The following TTLL11 variants were observed in gnomAD, a reference collection of about 807,000 sequenced individuals.
TTLL11 encodes the protein tubulin tyrosine ligase like 11, also known as tubulin polyglutamylase TTLL11.
In TTLL11, 42 loss-of-function variants were observed where a neutral mutation model predicts 51.7. That is an observed-to-expected ratio of 0.81 (90% confidence interval 0.64 to 1.05). The LOEUF (loss-of-function observed/expected upper bound fraction) is 1.05, where lower values mean the gene tolerates loss of function less well. Ranked by LOEUF, TTLL11 falls within the 50% of genes least tolerant of loss-of-function variation. The probability of loss-of-function intolerance (pLI) is 0.00; values close to 1 mark genes in which losing one functional copy is unlikely to be tolerated. For missense variants in TTLL11, 799 were observed against 940.4 expected (o/e 0.85, Z 1.97); for synonymous variants, 381 against 383.5 (o/e 0.99, Z 0.08).
rs532486164 is a variant in TTLL11, at chr9:121,871,991, G to C, written c.1482-1243C>G. 2.6e-5 allele frequency among the ~76,000 whole-genome samples: 4 copies of C among 152,196 alleles called. No individual in the cohort carries two copies. The South Asian group carries it at 8.3e-4, about 31-fold the overall frequency. On this transcript the variant is annotated intron_variant, in intron 6 of 8. Transcript: ENST00000321582. ...GTGTTCATTCCTGAGACAGAACCTC[G>C]AGCATGTTATACATGGTCAGTAAAT...
chr9:122,050,368 GA>G lies in TTLL11; in HGVS notation c.463-11001del, dbSNP rs1437266868. Reference sequence around the variant, plus strand: ...GACACTGCGGTGTGCGTGCACTTGGGAAACCTTCCATGATGCCTTCAGGCAG... The same window carrying G: ...GACACTGCGGTGTGCGTGCACTTGGGAACCTTCCATGATGCCTTCAGGCAG... On this transcript the variant is annotated intron_variant, in intron 1 of 8. Transcript: ENST00000321582. Among the ~76,000 whole-genome samples the G allele has an allele frequency of 4.6e-5, 7 of 152,278 alleles. No individual in the cohort carries two copies. In the East Asian group the frequency reaches 1.2e-3, roughly 25 times the overall value.
Position 121,816,599 on chromosome 9 carries a change from CAT to C in TTLL11, c.*5986_*5987del, listed in dbSNP as rs934290956. The C allele has an allele frequency of 1.3e-5, 2 of 148,856 alleles. No homozygotes were observed. Among genetic ancestry groups the C allele is most frequent in the Admixed American group, 1.3e-4 (2 of 14,988 alleles). 9.2% of individuals were successfully genotyped at this position (148,856 alleles called of 1,614,324 possible). On this transcript the variant is annotated 3_prime_UTR_variant, in exon 9 of 9. Transcript: ENST00000321582. The stretch of plus-strand genomic sequence containing the variant: ...GTGTGTGCATGTGTGTGCGTGTGTG[CAT>C]GTGTGCATTGTGTACGTGTGTGCAT...
chr9:121,864,928 T>C (rs1838134249), intron 7 of TTLL11, among the ~76,000 whole-genome samples: 1 of 152,226 alleles, frequency 6.6e-6, no homozygotes, highest in Non-Finnish European at 1.5e-5. Flanking sequence ...TTTGTGTTCA[T>C]CCTTCTCTGT....
rs1260288902 is a variant in TTLL11 at position 122,093,095 on chromosome 9, C to T, written c.54G>A (p.Ala18=). 1.8e-5 allele frequency: 27 copies of T among 1,500,226 alleles called. No individual in the cohort carries two copies. In the East Asian group the frequency reaches 1.9e-4, roughly 11 times the overall value. 92.9% of individuals were successfully genotyped at this position (1,500,226 alleles called of 1,614,324 possible). The change falls in exon 1 of 9, where the codon GCG becomes GCA. Residue 18 remains alanine (A), a synonymous_variant. Transcript: ENST00000321582. ...TGGCCGCCGCTTTGGCCGCAGCCAC[C>T]GCCTCCGCCTCCCACCGGGCCGCCA... is the stretch of plus-strand genomic sequence containing the variant. The part of the protein sequence containing the change: ...SELAARWEAE[A]VAAAKAAAKA...
At chr9:122,018,109 C>CTT (rs386416144) in intron 3 of TTLL11, among the ~76,000 whole-genome samples, 1,769 of 121,506 alleles carry the variant, frequency 0.015, 53 homozygotes, top group African/African-American at 0.052. Context: ...AATAATGCCA[C>CTT]TTTTTTTTTT....
intron 3 of TTLL11, among the ~76,000 whole-genome samples, chr9:122,031,007 G>C (rs964503806): frequency 6.7e-6 from 1 of 149,914 alleles, no homozygotes; most frequent in Non-Finnish European, 1.5e-5. Flanking sequence ...AACATAGCAG[G>C]ACCAGTAAAT....
At chr9:122,012,657 T>TACACAC (rs1226373802) in intron 3 of TTLL11, among the ~76,000 whole-genome samples, 5 of 119,102 alleles carry the variant, frequency 4.2e-5, no homozygotes, top group African/African-American at 1.9e-4. Context: ...GAGGAAAAAA[T>TACACAC]ACACATACAC....
At chr9:122,002,364 G>A (rs570968438) in intron 3 of TTLL11, among the ~76,000 whole-genome samples, 4 of 152,236 alleles carry the variant, frequency 2.6e-5, no homozygotes, top group African/African-American at 7.2e-5. Context: ...CGACCACAAC[G>A]GTCTTAGGAC....
chr9:121,984,568 A>G (rs1366741411), intron 4 of TTLL11, among the ~76,000 whole-genome samples: 1 of 152,138 alleles, frequency 6.6e-6, no homozygotes, highest in Non-Finnish European at 1.5e-5. Flanking sequence ...CTAAGAACCA[A>G]ATCCAAGCCC....
rs1842640854 is a variant in TTLL11 at position 121,974,091 on chromosome 9, G to A, written c.1399C>T (p.Leu467Phe). The change falls in exon 6 of 9, where the codon CTC becomes TTC. Residue 467 changes from leucine (L) to phenylalanine (F), a missense_variant. Leu to Phe is a conservative substitution (Grantham distance 22). Around this residue, in one of 3 missense-constraint regions of TTLL11, gnomAD observed 468 missense variants for 612.8 expected, o/e 0.76. Transcript: ENST00000321582. ...GCCACTTTCACTTCTTCATCAACGA[G>A]GCTGGGGACATTTTCAAACACCCCT... ...SPGVFENVPS[L>F]VDEEVKVAVI... 3 of 1,551,666 alleles carry A rather than the reference G, an allele frequency of 1.9e-6. No individual in the cohort carries two copies. In the African/African-American group the frequency reaches 4.1e-5, roughly 21 times the overall value.
chr9:121,850,096 C>T (rs1039744780), intron 8 of TTLL11, among the ~76,000 whole-genome samples: 1 of 151,534 alleles, frequency 6.6e-6, no homozygotes, highest in South Asian at 2.1e-4. Context: ...ACCTACCAAT[C>T]CATGGCTGAT....
intron 8 of TTLL11, among the ~76,000 whole-genome samples, chr9:121,823,344 G>A (rs796930000): frequency 6.6e-6 from 1 of 152,170 alleles, no homozygotes; most frequent in Admixed American, 6.5e-5. Flanking sequence ...TCAGTAGTTC[G>A]AGACCAGCCT....
rs533758239 is a variant in TTLL11, at chr9:121,943,313, G to A, written c.1481+30696C>T. On this transcript the variant is annotated intron_variant, in intron 6 of 8. Coordinates refer to ENST00000321582, the MANE Select transcript of TTLL11 (RefSeq NM_001139442.2). ...TCTCCCTTCTCAGAAACAGGCATGA[G>A]TAGCCTGGCTCTTCTTAGGCGTACG... is the stretch of plus-strand genomic sequence containing the variant. Among the ~76,000 whole-genome samples, 20 of 152,282 alleles carry A rather than the reference G, an allele frequency of 1.3e-4. No individual in the cohort carries two copies. In the South Asian group the frequency reaches 3.7e-3, roughly 28 times the overall value.
chr9:122,027,924 A>G (rs965253913), intron 3 of TTLL11, among the ~76,000 whole-genome samples: 1 of 152,230 alleles, frequency 6.6e-6, no homozygotes. Flanking sequence ...AGCAAAAATA[A>G]TAACAATGTA....
chr9:121,834,782 G>C (rs1020865930), intron 8 of TTLL11, among the ~76,000 whole-genome samples: 1 of 151,204 alleles, frequency 6.6e-6, no homozygotes, highest in Non-Finnish European at 1.5e-5. Flanking sequence ...AGTTGAGATT[G>C]TGCCACTGCA....
intron 6 of TTLL11, among the ~76,000 whole-genome samples, chr9:121,895,473 G>T (rs1338457597): frequency 1.3e-5 from 2 of 151,384 alleles, no homozygotes; most frequent in African/African-American, 4.9e-5. Flanking sequence ...ATGTGTGGTT[G>T]TATGAGTGTT....
At chr9:122,046,282 C>T (rs1844999229) in intron 1 of TTLL11, among the ~76,000 whole-genome samples, 1 of 152,074 alleles carries the variant, frequency 6.6e-6, no homozygotes, top group South Asian at 2.1e-4. Context: ...AGCACCTCCC[C>T]TCCTTCTCTC....
intron 6 of TTLL11, among the ~76,000 whole-genome samples, chr9:121,874,920 C>T (rs1359666471): frequency 1.3e-5 from 2 of 151,472 alleles, no homozygotes; most frequent in African/African-American, 2.4e-5. Context: ...CTATGTCTGG[C>T]TAATTTTTTT....
chr9:121,900,933 T>C (rs1344451157), intron 6 of TTLL11, among the ~76,000 whole-genome samples: 1 of 152,074 alleles, frequency 6.6e-6, no homozygotes, highest in African/African-American at 2.4e-5. Flanking sequence ...CTCAGCCTCC[T>C]GAGTAGCTGA....
Sources: gnomAD v4.1 joint callset for allele counts (sites outside exome capture counted in the v4.1 genomes callset) on GRCh38, gnomAD v4.1.1 for gene constraint, gnomAD v4.1.1 regional missense constraint, MANE v1.5 for transcripts, NCBI Gene and HGNC (gene_info 2026-07-23, HGNC 2026-07-21) for gene names.